GPC5: variants seen among roughly 807,000 people sequenced by gnomAD.
GPC5 encodes glypican-5.
A neutral mutation model predicts 53.9 loss-of-function variants in GPC5; 47 were observed. That is an observed-to-expected ratio of 0.87 (90% CI 0.69 to 1.11). GPC5 has a LOEUF of 1.11. Among genes scored for constraint, GPC5 ranks in the 50% most tolerant of loss-of-function variants. The pLI is 0.00. For synonymous variants in GPC5, 286 were observed against 263.3 expected (o/e 1.09, Z -0.84); for missense variants, 748 against 713.1 (o/e 1.05, Z -0.56).
intron 3 of GPC5, among the ~76,000 whole-genome samples, chr13:91,700,924 T>A (rs2035978044): frequency 6.6e-6 from 1 of 152,162 alleles, no homozygotes; most frequent in African/African-American, 2.4e-5. Flanking sequence ...CTGAAATAAT[T>A]TCTGATTGAA....
intron 7 of GPC5, among the ~76,000 whole-genome samples, chr13:92,369,350 AT>A: frequency 6.6e-6 from 1 of 151,906 alleles, no homozygotes; most frequent in East Asian, 1.9e-4. Context: ...TGCCTGGCTA[AT>A]TTTTTTTGTA....
At chr13:92,014,797 T>C (rs1448228478) in intron 6 of GPC5, among the ~76,000 whole-genome samples, 1 of 152,198 alleles carries the variant, frequency 6.6e-6, no homozygotes, top group African/African-American at 2.4e-5. Context: ...ATAATATACT[T>C]ACACTGTTGT....
intron 7 of GPC5, among the ~76,000 whole-genome samples, chr13:92,841,790 T>C (rs1284251341): frequency 6.6e-6 from 1 of 152,138 alleles, no homozygotes; most frequent in Non-Finnish European, 1.5e-5. Flanking sequence ...CTTTCTCTAC[T>C]TTTTCCTTAT....
chr13:91,780,234 T>TTA (rs2037777570), intron 5 of GPC5, among the ~76,000 whole-genome samples: 1 of 152,196 alleles, frequency 6.6e-6, no homozygotes, highest in Admixed American at 6.5e-5. Flanking sequence ...TTATAATTCC[T>TTA]TATATATATC....
intron 7 of GPC5, among the ~76,000 whole-genome samples, chr13:92,669,679 G>A (rs1472939474): frequency 2.0e-5 from 3 of 152,090 alleles, no homozygotes; most frequent in African/African-American, 4.8e-5. Flanking sequence ...TGCTACCCAG[G>A]CATTTGTCCT....
At chr13:91,505,453 C>T (rs1884889535) in intron 2 of GPC5, among the ~76,000 whole-genome samples, 2 of 152,168 alleles carry the variant, frequency 1.3e-5, no homozygotes, top group African/African-American at 4.8e-5. Context: ...TCTGTAAACC[C>T]ACAGGCTGGT....
chr13:92,751,234 T>C (rs1474636342), intron 7 of GPC5, among the ~76,000 whole-genome samples: 2 of 135,320 alleles, frequency 1.5e-5, no homozygotes, highest in Non-Finnish European at 3.0e-5. Context: ...TGACAATGTG[T>C]GGAAACATTT....
At chr13:92,296,631 A>G (rs2043036587) in intron 7 of GPC5, among the ~76,000 whole-genome samples, 1 of 152,100 alleles carries the variant, frequency 6.6e-6, no homozygotes, top group African/African-American at 2.4e-5. Context: ...CCAAGGCTGG[A>G]GCCCACTCCC....
intron 7 of GPC5, among the ~76,000 whole-genome samples, chr13:92,754,280 G>A (rs575867134): frequency 8.5e-5 from 13 of 152,248 alleles, no homozygotes; most frequent in African/African-American, 3.1e-4. Flanking sequence ...AGCAAATGCT[G>A]AGAGATTTTC....
At chr13:91,844,717 C>CTGTTTT (rs1165449290) in intron 5 of GPC5, among the ~76,000 whole-genome samples, 2 of 151,874 alleles carry the variant, frequency 1.3e-5, no homozygotes, top group East Asian at 3.9e-4. Context: ...TTATTTTGTT[C>CTGTTTT]TGTTTTTGTT....
rs892607545 is a variant in GPC5 at position 91,578,858 on chromosome 13, T to A, written c.326-114329T>A. 7.9e-5 allele frequency among the ~76,000 whole-genome samples: 12 copies of A among 151,704 alleles called. No homozygotes were observed. In the South Asian group the frequency reaches 2.5e-3, roughly 32 times the overall value. On this transcript the variant is annotated intron_variant, in intron 2 of 7. Coordinates refer to ENST00000377067, the MANE Select transcript of GPC5 (RefSeq NM_004466.6). ...CTCAGGAGTTTGAGACCAGCCTGGG[T>A]AACATTGTGAAAACCGGTCTCTATA... is the stretch of plus-strand genomic sequence containing the variant.
chr13:92,360,732 T>C (rs1018389073), intron 7 of GPC5, among the ~76,000 whole-genome samples: 1 of 151,734 alleles, frequency 6.6e-6, no homozygotes, highest in African/African-American at 2.4e-5. Context: ...GAAAACCCCA[T>C]AGTCTTAGCC....
At chr13:92,468,311 G>C (rs1410008080) in intron 7 of GPC5, among the ~76,000 whole-genome samples, 1 of 152,112 alleles carries the variant, frequency 6.6e-6, no homozygotes, top group Non-Finnish European at 1.5e-5. Context: ...CTTAAATAAA[G>C]CTGTGCAGGA....
intron 4 of GPC5, among the ~76,000 whole-genome samples, chr13:91,733,757 A>T (rs1038730623): frequency 6.6e-6 from 1 of 152,098 alleles, no homozygotes; most frequent in Admixed American, 6.5e-5. Flanking sequence ...CTAAATATAG[A>T]ATCATGTTAT....
intron 2 of GPC5, among the ~76,000 whole-genome samples, chr13:91,465,087 TC>T (rs1226979439): frequency 3.3e-5 from 5 of 152,172 alleles, no homozygotes; most frequent in African/African-American, 1.2e-4. Context: ...ACTAGACCTG[TC>T]TCAGCTCTCA....
rs115890705 is a variant in GPC5 at position 92,099,966 on chromosome 13, G to A, written c.1402-44864G>A. 4.3e-3 allele frequency among the ~76,000 whole-genome samples: 651 copies of A among 152,158 alleles called. 10 individuals are homozygous for A. Among genetic ancestry groups the A allele is most frequent in the African/African-American group, 0.015 (621 of 41,522 alleles). On this transcript the variant is annotated intron_variant, in intron 6 of 7. Transcript: ENST00000377067. ...GTCCTCCTTGAGCCAAAAGATCCTC[G>A]TGCTGACCATAAAGAAGCAAACAGC...
intron 7 of GPC5, among the ~76,000 whole-genome samples, chr13:92,181,859 T>G (rs1277111291): frequency 2.0e-5 from 3 of 152,224 alleles, no homozygotes; most frequent in Admixed American, 6.5e-5. Context: ...GGAAAGATGC[T>G]GTCCTACATT....
chr13:91,595,814 G>GACCCATGTT (rs1403478353), intron 2 of GPC5, among the ~76,000 whole-genome samples: 2 of 152,132 alleles, frequency 1.3e-5, no homozygotes, highest in African/African-American at 4.8e-5. Context: ...TTCTCTTCAT[G>GACCCATGTT]ACCCATGTTA....
At chr13:92,858,270 G>C (rs931260807) in intron 7 of GPC5, among the ~76,000 whole-genome samples, 2 of 152,144 alleles carry the variant, frequency 1.3e-5, no homozygotes, top group African/African-American at 4.8e-5. Flanking sequence ...CATGAGATCT[G>C]ATGGTTTTAT....
Sources: allele counts gnomAD v4.1 joint callset (sites outside exome capture counted in the v4.1 genomes callset), GRCh38; gene constraint gnomAD v4.1.1; transcripts MANE v1.5; gene names NCBI Gene and HGNC (gene_info 2026-07-23, HGNC 2026-07-21).